Variants in IFNGR1 observed in about 807,000 individuals in gnomAD.
IFNGR1 encodes interferon gamma receptor 1, also known as AVP, type 2.
IFNGR1 carries 23 observed loss-of-function variants against 35.4 expected under a neutral mutation model. The ratio of observed to expected loss-of-function variants is 0.65; its 90% confidence interval spans 0.47 to 0.92. IFNGR1 has a LOEUF of 0.92. IFNGR1 is among the 40% of genes least tolerant of loss of function. The probability of loss-of-function intolerance (pLI) is 0.00; values close to 1 mark genes in which losing one functional copy is unlikely to be tolerated. For synonymous variants in IFNGR1, 199 were observed against 209.5 expected, an observed-to-expected ratio of 0.95 and a Z score of 0.43; for missense variants, 533 against 583.4, an observed-to-expected ratio of 0.91 and a Z score of 0.89.
intron 1 of IFNGR1, chr6:137,218,966 T>C: frequency 1.8e-6 from 1 of 542,990 alleles, no homozygotes. Context: ...CGCATAATCG[T>C]ATTTAAAAGT....
chr6:137,199,311 TTATATAA>T (rs1450661368), intron 6 of IFNGR1, among the ~76,000 whole-genome samples: 3 of 131,938 alleles, frequency 2.3e-5, no homozygotes, highest in South Asian at 2.2e-4. Context: ...TTAATATATA[TTATATAA>T]TATATAATTT....
intron 5 of IFNGR1, among the ~76,000 whole-genome samples, chr6:137,203,106 G>A (rs547622381): frequency 6.6e-6 from 1 of 152,250 alleles, no homozygotes; most frequent in African/African-American, 2.4e-5. Context: ...TGTAACCAGT[G>A]ATCGTTCCTG....
At chr6:137,202,646 A>ACACAC in intron 5 of IFNGR1, among the ~76,000 whole-genome samples, 1 of 123,778 alleles carries the variant, frequency 8.1e-6, no homozygotes, top group Admixed American at 8.4e-5. Flanking sequence ...CACACACACA[A>ACACAC]AGATAATCAT....
intron 1 of IFNGR1, among the ~76,000 whole-genome samples, chr6:137,217,681 T>C (rs1031753969): frequency 6.6e-6 from 1 of 152,228 alleles, no homozygotes; most frequent in African/African-American, 2.4e-5. Context: ...AGCTGGCATC[T>C]ATAATTTTCT....
At position 137,204,431 on chromosome 6, in the gene IFNGR1, T is replaced by C. The variant is rs753891318; in HGVS notation, c.447A>G (p.Ser149=). The C allele has an allele frequency of 1.9e-6, 3 of 1,613,954 alleles. No individual in the cohort carries two copies. In the Admixed American group the frequency reaches 5.0e-5, roughly 27 times the overall value. Residue 149 remains serine, a synonymous_variant, in exon 4 of 7, where the codon TCA becomes TCG. Coordinates refer to ENST00000367739, the MANE Select transcript of IFNGR1 (RefSeq NM_000416.3). ...KQIMIDIFHP[S]VFVNGDEQEV... ...CCTGCTCGTCTCCATTTACAAAAACTGAAGGGTGAAATATGTCAATCATGA... is the reference window on the plus strand; with the variant it reads ...CCTGCTCGTCTCCATTTACAAAAACCGAAGGGTGAAATATGTCAATCATGA...
chr6:137,218,923 T>TGTCC lies in IFNGR1; in HGVS notation c.85+316_85+319dup, dbSNP rs1472366585. 4 of 470,248 alleles carry TGTCC rather than the reference T, an allele frequency of 8.5e-6. No individual in the cohort carries two copies. The Admixed American group carries it at 1.0e-4, about 12-fold the overall frequency. 29.1% of individuals were successfully genotyped at this position (470,248 alleles called of 1,614,324 possible). A position where few individuals can be genotyped will look rare whatever the true frequency, so the allele number is the denominator to read the frequency against. The stretch of plus-strand genomic sequence containing the variant: ...GATATTATAATCTTTGAGACCACGC[T>TGTCC]GTCCCACATTGACCAGCAACGTCCT... On this transcript the variant is annotated intron_variant, in intron 1 of 6. Transcript: ENST00000367739.
Position 137,197,908 on chromosome 6 carries a change from A to T in IFNGR1, c.*123T>A. 7.7e-7 allele frequency: 1 copy of T among 1,290,336 alleles called. No homozygotes were observed. Among genetic ancestry groups the T allele is most frequent in the Non-Finnish European group, 1.1e-6 (1 of 899,200 alleles). 79.9% of individuals were successfully genotyped at this position (1,290,336 alleles called of 1,614,324 possible). ...CCTCTTTACGCTTTCATGTACACTA[A>T]GTCACTCCATTTGGTTGATACCAAC... On this transcript the variant is annotated 3_prime_UTR_variant, in exon 7 of 7. Transcript: ENST00000367739.
chr6:137,204,071 G>A (rs1779366077), intron 4 of IFNGR1, among the ~76,000 whole-genome samples: 1 of 152,142 alleles, frequency 6.6e-6, no homozygotes, highest in Non-Finnish European at 1.5e-5. Flanking sequence ...AGCAATGGAG[G>A]TGTACTGGGA....
intron 5 of IFNGR1, among the ~76,000 whole-genome samples, chr6:137,203,190 A>G (rs1468152842): frequency 1.3e-5 from 2 of 152,222 alleles, no homozygotes; most frequent in Admixed American, 6.5e-5. Context: ...ATGGTGAAGT[A>G]ACAAACTGAC....
chr6:137,203,753 A>G (rs775139856), intron 4 of IFNGR1, 68 bp from the exon 5 acceptor site: 6 of 1,258,534 alleles, frequency 4.8e-6, no homozygotes, highest in Admixed American at 3.9e-5. Flanking sequence ...AAAAATCACC[A>G]TATTAGTCCT....
intron 1 of IFNGR1, among the ~76,000 whole-genome samples, chr6:137,208,940 C>T (rs1461601199): frequency 6.6e-6 from 1 of 152,180 alleles, no homozygotes; most frequent in Non-Finnish European, 1.5e-5. Context: ...TGAGAGGGAG[C>T]CTGTACCCTG....
chr6:137,201,588 G>A (rs1562284378), intron 5 of IFNGR1, among the ~76,000 whole-genome samples: 3 of 152,172 alleles, frequency 2.0e-5, no homozygotes, highest in Admixed American at 1.3e-4. Context: ...CAGGAGAATC[G>A]CTTGGACCTG....
At chr6:137,210,620 T>G (rs1387711796) in intron 1 of IFNGR1, among the ~76,000 whole-genome samples, 1 of 152,204 alleles carries the variant, frequency 6.6e-6, no homozygotes, top group Non-Finnish European at 1.5e-5. Flanking sequence ...AGTTTCTATT[T>G]TTCCAAAGTG....
At chr6:137,199,541 TA>T in intron 6 of IFNGR1, among the ~76,000 whole-genome samples, 2 of 73,322 alleles carry the variant, frequency 2.7e-5, no homozygotes, top group Admixed American at 4.7e-4. Context: ...ATATAATATA[TA>T]TTATATAACA....
In IFNGR1 at chr6:137,200,947, G is replaced by C. The variant is rs1779263364; in HGVS notation, c.795C>G (p.Phe265Leu). The part of the protein sequence containing the change: ...LLLFLVLSLV[F>L]ICFYIKKINP... ...TAATTTTCTTAATATAAAAACAGAT[G>C]AATACCAGGCTAAGCACTAGAAAGA... The change falls in exon 6 of 7, where the codon TTC becomes TTG. Residue 265 changes from phenylalanine to leucine, a missense_variant. Physicochemically the swap from Phe to Leu is conservative, Grantham distance 22 (BLOSUM62 0). Transcript: ENST00000367739. The C allele has an allele frequency of 1.2e-6, 2 of 1,611,242 alleles. No homozygotes were observed. The highest frequency in any genetic ancestry group is 1.7e-6 in the Non-Finnish European group (2 of 1,177,694).
chr6:137,210,076 T>C, intron 1 of IFNGR1: 1 of 380,718 alleles, frequency 2.6e-6, no homozygotes, highest in Non-Finnish European at 4.6e-6. Context: ...ATGGGCCAGG[T>C]GCGGTGGCCC....
intron 1 of IFNGR1, among the ~76,000 whole-genome samples, chr6:137,216,649 A>C (rs933014501): frequency 6.6e-6 from 1 of 152,216 alleles, no homozygotes; most frequent in African/African-American, 2.4e-5. Context: ...CAAGAGCCAG[A>C]GCATTGTTGG....
At chr6:137,208,442 G>A (rs951770357) in intron 1 of IFNGR1, among the ~76,000 whole-genome samples, 6 of 152,208 alleles carry the variant, frequency 3.9e-5, no homozygotes, top group Non-Finnish European at 8.8e-5. Context: ...AGGCCCGGAG[G>A]CCTAGGAGGA....
At chr6:137,213,281 A>G (rs1481637144) in intron 1 of IFNGR1, among the ~76,000 whole-genome samples, 1 of 152,250 alleles carries the variant, frequency 6.6e-6, no homozygotes, top group African/African-American at 2.4e-5. Context: ...AGATAATCTT[A>G]CAGATTTTCC....
Sources: allele counts gnomAD v4.1 joint callset (sites outside exome capture counted in the v4.1 genomes callset), GRCh38; gene constraint gnomAD v4.1.1; transcripts MANE v1.5; gene names NCBI Gene and HGNC (gene_info 2026-07-23, HGNC 2026-07-21).